Variants in CAP2 observed in about 807,000 individuals in gnomAD.
CAP2 encodes the protein adenylyl cyclase-associated protein 2.
CAP2 carries 24 observed loss-of-function variants against 57.7 expected under a neutral mutation model. That is an observed-to-expected ratio of 0.42 (90% confidence interval 0.30 to 0.58). The LOEUF (loss-of-function observed/expected upper bound fraction) is 0.58, where lower values mean the gene tolerates loss of function less well. Ranked by LOEUF, CAP2 falls within the 20% of genes least tolerant of loss-of-function variation. The pLI, the probability that CAP2 is intolerant of heterozygous loss-of-function variation, is 0.22. For missense variants in CAP2, 501 were observed against 590.3 expected (o/e 0.85, Z 1.57); for synonymous variants, 194 against 207.2 (o/e 0.94, Z 0.55).
At chr6:17,438,789 T>A (rs1384645170) in intron 3 of CAP2, among the ~76,000 whole-genome samples, 1 of 148,264 alleles carries the variant, frequency 6.7e-6, no homozygotes, top group Non-Finnish European at 1.5e-5. Context: ...CTTTTTTTTT[T>A]ATGGCTTCTA....
chr6:17,449,620 G>A (rs1760353410), intron 3 of CAP2, among the ~76,000 whole-genome samples: 1 of 151,950 alleles, frequency 6.6e-6, no homozygotes. Context: ...TGTTGACCAG[G>A]CTGGTCTGAA....
intron 1 of CAP2, among the ~76,000 whole-genome samples, chr6:17,413,064 G>A (rs1353907535): frequency 6.6e-6 from 1 of 152,094 alleles, no homozygotes; most frequent in Non-Finnish European, 1.5e-5. Flanking sequence ...GGTATCTCAG[G>A]AGCATGGGGA....
chr6:17,401,599 T>C (rs1457288053), intron 1 of CAP2, among the ~76,000 whole-genome samples: 1 of 152,208 alleles, frequency 6.6e-6, no homozygotes, highest in African/African-American at 2.4e-5. Context: ...CAGTTTCAAC[T>C]GATTGGTTAC....
intron 3 of CAP2, among the ~76,000 whole-genome samples, chr6:17,437,973 T>C (rs1002331988): frequency 7.2e-5 from 11 of 152,220 alleles, no homozygotes; most frequent in Non-Finnish European, 1.5e-4. Flanking sequence ...TGGTTTATTA[T>C]TGATTTGTAG....
rs11323666 is a variant in CAP2 at position 17,400,864 on chromosome 6, C to CA, written c.-2+7134dup. Among the ~76,000 whole-genome samples the CA allele has an allele frequency of 3.0e-3, 308 of 104,140 alleles. 1 individual carries two copies. The highest frequency in any genetic ancestry group is 0.02 in the East Asian group (56 of 2,774). 68.3% of individuals were successfully genotyped at this position (104,140 alleles called of 152,430 possible). A position where few individuals can be genotyped will look rare whatever the true frequency, so the allele number is the denominator to read the frequency against. ...TGGGCAACAGAGTGAGACTCCGTCT[C>CA]AAAAAAAAAAAAAAAAGAATCACTG... On this transcript the variant is annotated intron_variant, in intron 1 of 12. Transcript: ENST00000229922.
In CAP2 at chr6:17,545,712, A is replaced by G. The variant is rs866040193; in HGVS notation, c.1209+2569A>G. Among the ~76,000 whole-genome samples the G allele has an allele frequency of 1.8e-4, 27 of 152,202 alleles. 1 individual carries two copies. Among genetic ancestry groups the G allele is most frequent in the African/African-American group, 5.8e-4 (24 of 41,526 alleles). On this transcript the variant is annotated intron_variant, in intron 11 of 12. Transcript: ENST00000229922. Reference sequence around the variant, plus strand: ...TCCCTCCCCCTCCCCCAACCTCACAACAGTCCCCAGAGTGTGATGTTCCCC... The same window carrying G: ...TCCCTCCCCCTCCCCCAACCTCACAGCAGTCCCCAGAGTGTGATGTTCCCC...
chr6:17,535,794 A>G (rs1019080910), intron 7 of CAP2, among the ~76,000 whole-genome samples: 1 of 152,186 alleles, frequency 6.6e-6, no homozygotes, highest in African/African-American at 2.4e-5. Flanking sequence ...ATTTCAACAC[A>G]TAGGAAAGAA....
At chr6:17,545,190 A>T (rs1401887796) in intron 11 of CAP2, among the ~76,000 whole-genome samples, 1 of 152,218 alleles carries the variant, frequency 6.6e-6, no homozygotes, top group Admixed American at 6.5e-5. Context: ...GTCACAGTTG[A>T]AAAGTATCTT....
intron 3 of CAP2, among the ~76,000 whole-genome samples, chr6:17,450,762 C>G (rs1364334236): frequency 6.6e-6 from 1 of 152,078 alleles, no homozygotes; most frequent in Non-Finnish European, 1.5e-5. Flanking sequence ...ATAAGCATGC[C>G]TCCTTTCTCC....
At chr6:17,413,840 G>A (rs1759203694) in intron 1 of CAP2, among the ~76,000 whole-genome samples, 1 of 152,172 alleles carries the variant, frequency 6.6e-6, no homozygotes, top group South Asian at 2.1e-4. Context: ...GATCACATGA[G>A]GTCAGGAGTT....
In CAP2 at chr6:17,557,728, AT is replaced by A. The variant is rs1465141461; in HGVS notation, c.*1291del. 4 of 152,184 alleles carry A rather than the reference AT, an allele frequency of 2.6e-5. No individual in the cohort carries two copies. Among genetic ancestry groups the A allele is most frequent in the Non-Finnish European group, 5.9e-5 (4 of 68,030 alleles). 9.4% of individuals were successfully genotyped at this position (152,184 alleles called of 1,614,324 possible). A position where few individuals can be genotyped will look rare whatever the true frequency, so the allele number is the denominator to read the frequency against. ...AATAATGTGGCTTTAGTAAATAATC[AT>A]TTTTCAACTGTAAACTTATTCTGAA... On this transcript the variant is annotated 3_prime_UTR_variant, in exon 13 of 13. Coordinates refer to ENST00000229922, the MANE Select transcript of CAP2 (RefSeq NM_006366.3).
At chr6:17,542,446 A>G (rs1051146282) in intron 9 of CAP2, among the ~76,000 whole-genome samples, 1 of 146,286 alleles carries the variant, frequency 6.8e-6, no homozygotes, top group Non-Finnish European at 1.5e-5. Context: ...TCGCCTTGAA[A>G]ACACAAGGGC....
intron 3 of CAP2, among the ~76,000 whole-genome samples, chr6:17,444,542 G>A (rs556581558): frequency 6.6e-6 from 1 of 151,776 alleles, no homozygotes; most frequent in Non-Finnish European, 1.5e-5. Context: ...TCGAGAGGCT[G>A]GGGCAGGAGA....
At chr6:17,443,877 G>A (rs986004376) in intron 3 of CAP2, among the ~76,000 whole-genome samples, 2 of 152,054 alleles carry the variant, frequency 1.3e-5, no homozygotes, top group Non-Finnish European at 2.9e-5. Flanking sequence ...ACACACATAT[G>A]TTATAACATA....
intron 4 of CAP2, among the ~76,000 whole-genome samples, chr6:17,499,440 A>G (rs1379540701): frequency 6.6e-6 from 1 of 150,684 alleles, no homozygotes; most frequent in Non-Finnish European, 1.5e-5. Flanking sequence ...GAGTTTATGC[A>G]TGTTAAAAAG....
At chr6:17,528,190 G>A (rs953997592) in intron 7 of CAP2, among the ~76,000 whole-genome samples, 14 of 152,176 alleles carry the variant, frequency 9.2e-5, no homozygotes, top group South Asian at 6.2e-4. Flanking sequence ...ACACGTTTAC[G>A]TTAGCCTAGG....
At chr6:17,431,348 T>C (rs1319638708) in intron 3 of CAP2, among the ~76,000 whole-genome samples, 1 of 152,174 alleles carries the variant, frequency 6.6e-6, no homozygotes, top group East Asian at 1.9e-4. Flanking sequence ...TTTTTATTAA[T>C]TATTTAAAAT....
chr6:17,489,254 A>G (rs1212575320), intron 4 of CAP2, among the ~76,000 whole-genome samples: 1 of 152,164 alleles, frequency 6.6e-6, no homozygotes, highest in Non-Finnish European at 1.5e-5. Flanking sequence ...CAACATGGTG[A>G]AACCCCATCT....
At chr6:17,448,802 C>T (rs1760329763) in intron 3 of CAP2, among the ~76,000 whole-genome samples, 1 of 151,780 alleles carries the variant, frequency 6.6e-6, no homozygotes, top group Non-Finnish European at 1.5e-5. Flanking sequence ...CACTCTGTTG[C>T]CCAGGCTGGA....
Sources: allele counts gnomAD v4.1 joint callset (sites outside exome capture counted in the v4.1 genomes callset), GRCh38; gene constraint gnomAD v4.1.1; transcripts MANE v1.5; gene names NCBI Gene and HGNC (gene_info 2026-07-23, HGNC 2026-07-21).